Variants in LRRC49 observed in about 807,000 individuals in gnomAD.
The protein encoded by LRRC49 is leucine-rich repeat-containing protein 49.
A neutral mutation model predicts 83.3 loss-of-function variants in LRRC49; 50 were observed. That is an observed-to-expected ratio of 0.60 (90% CI 0.48 to 0.76). The LOEUF (loss-of-function observed/expected upper bound fraction) is 0.76. Among genes scored for constraint, LRRC49 ranks in the 30% least tolerant of loss-of-function variants. The pLI, the probability that LRRC49 is intolerant of heterozygous loss-of-function variation, is 0.00. For missense variants in LRRC49, 704 were observed against 809.1 expected (o/e 0.87, Z 1.58); for synonymous variants, 286 against 283.3 (o/e 1.01, Z -0.10).
chr15:71,038,894 C>T (rs574701898), intron 15 of LRRC49, among the ~76,000 whole-genome samples: 1 of 152,254 alleles, frequency 6.6e-6, no homozygotes, highest in Non-Finnish European at 1.5e-5. Flanking sequence ...CTGTCATACA[C>T]AACACACTGT....
intron 9 of LRRC49, among the ~76,000 whole-genome samples, chr15:70,973,332 G>C (rs2037083303): frequency 6.6e-6 from 1 of 152,180 alleles, no homozygotes; most frequent in Admixed American, 6.5e-5. Flanking sequence ...GCAAAACATT[G>C]CTGCCTGCTC....
At chr15:70,995,312 T>C (rs1484833590) in intron 11 of LRRC49, among the ~76,000 whole-genome samples, 1 of 152,168 alleles carries the variant, frequency 6.6e-6, no homozygotes, top group African/African-American at 2.4e-5. Flanking sequence ...GCATTAATAA[T>C]GAGCTGGAAT....
intron 7 of LRRC49, among the ~76,000 whole-genome samples, chr15:70,927,040 C>T (rs1448730139): frequency 2.0e-5 from 3 of 152,146 alleles, no homozygotes; most frequent in African/African-American, 7.2e-5. Context: ...GAGATACCAT[C>T]TCACACCAGT....
chr15:70,909,164 C>G (rs972213788), intron 5 of LRRC49, among the ~76,000 whole-genome samples: 1 of 152,276 alleles, frequency 6.6e-6, no homozygotes, highest in African/African-American at 2.4e-5. Context: ...GTGATACAAT[C>G]TCCATTATCC....
intron 11 of LRRC49, among the ~76,000 whole-genome samples, chr15:71,000,503 C>T (rs2038219614): frequency 6.6e-6 from 1 of 152,150 alleles, no homozygotes; most frequent in Non-Finnish European, 1.5e-5. Context: ...ATGTTTGTCT[C>T]CTTTTCCGCT....
At chr15:70,871,305 G>T (rs1361015985) in intron 1 of LRRC49, among the ~76,000 whole-genome samples, 1 of 152,176 alleles carries the variant, frequency 6.6e-6, no homozygotes, top group Non-Finnish European at 1.5e-5. Flanking sequence ...CAAGGCAGAA[G>T]AATTTTTCCT....
chr15:70,872,359 C>T (rs749093970), intron 1 of LRRC49, among the ~76,000 whole-genome samples: 6 of 147,546 alleles, frequency 4.1e-5, no homozygotes, highest in Admixed American at 6.8e-5. Context: ...AGTCTAGCCT[C>T]GGCTCGGCAT....
chr15:70,884,547 A>C (rs2033352917), intron 2 of LRRC49, among the ~76,000 whole-genome samples: 1 of 152,114 alleles, frequency 6.6e-6, no homozygotes, highest in Admixed American at 6.5e-5. Flanking sequence ...CACACAGAAA[A>C]AAAAAAAAGA....
intron 7 of LRRC49, among the ~76,000 whole-genome samples, chr15:70,927,255 T>C (rs1365447109): frequency 6.6e-6 from 1 of 152,226 alleles, no homozygotes; most frequent in Admixed American, 6.5e-5. Context: ...TGCATTTTCT[T>C]TATTACTAAT....
At position 71,008,523 on chromosome 15, in the gene LRRC49, A is replaced by G. The variant is rs2038540005; in HGVS notation, c.1314A>G (p.Ala438=). 1 of 1,612,808 alleles carries G rather than the reference A, an allele frequency of 6.2e-7. No homozygotes were observed. The highest frequency in any genetic ancestry group is 8.5e-7 in the Non-Finnish European group (1 of 1,179,164). The change falls in exon 12 of 16, where the codon GCA becomes GCG. Residue 438 remains alanine, a synonymous_variant. Coordinates refer to ENST00000260382, the MANE Select transcript of LRRC49 (RefSeq NM_017691.5). ...SLDRNWSVQT[A]GMITTVSFTF... is the part of the protein sequence containing the mutation. ...ATAGGAATTGGAGTGTTCAAACAGC[A>G]GGAATGATCACAACAGTCTCCTTCA...
intron 9 of LRRC49, among the ~76,000 whole-genome samples, chr15:70,967,164 C>T (rs574313084): frequency 6.6e-6 from 1 of 152,006 alleles, no homozygotes; most frequent in African/African-American, 2.4e-5. Flanking sequence ...GACAGGAGTT[C>T]AACATGGCTA....
chr15:70,876,401 TG>T (rs1231893799), intron 2 of LRRC49, among the ~76,000 whole-genome samples: 1 of 152,122 alleles, frequency 6.6e-6, no homozygotes, highest in South Asian at 2.1e-4. Flanking sequence ...TAGAGTCTAG[TG>T]GGGGAGATTA....
intron 9 of LRRC49, among the ~76,000 whole-genome samples, chr15:70,969,581 A>C (rs1003817811): frequency 6.6e-5 from 10 of 152,136 alleles, no homozygotes; most frequent in Non-Finnish European, 1.0e-4. Flanking sequence ...CAGTATGGCC[A>C]TTTTCACTAT....
chr15:71,002,939 CTTTTTTTTT>C (rs35998597), intron 11 of LRRC49, among the ~76,000 whole-genome samples: 8 of 43,036 alleles, frequency 1.9e-4, no homozygotes, highest in East Asian at 8.8e-4. Flanking sequence ...ATTTTCTGGC[CTTTTTTTTT>C]TTTTTTTTTT....
At chr15:70,858,427 C>A (rs906361569) in intron 1 of LRRC49, among the ~76,000 whole-genome samples, 4 of 151,666 alleles carry the variant, frequency 2.6e-5, no homozygotes, top group Non-Finnish European at 4.4e-5. Flanking sequence ...CATGGCGAAA[C>A]CCTGTCTCTA....
chr15:70,896,136 C>G (rs1405828461), intron 3 of LRRC49, among the ~76,000 whole-genome samples, 200 bp downstream of exon 3: 1 of 151,642 alleles, frequency 6.6e-6, no homozygotes, highest in Non-Finnish European at 1.5e-5. Flanking sequence ...CAGAAAAAAG[C>G]TGTTATTATT....
chr15:70,989,710 C>CT (rs1360539407), intron 11 of LRRC49, among the ~76,000 whole-genome samples: 3 of 152,168 alleles, frequency 2.0e-5, no homozygotes, highest in African/African-American at 7.2e-5. Context: ...AGGCGCTCTG[C>CT]TTTTTAGAGT....
At chr15:70,898,956 A>G (rs577317925) in intron 3 of LRRC49, among the ~76,000 whole-genome samples, 8 of 152,282 alleles carry the variant, frequency 5.3e-5, no homozygotes, top group Non-Finnish European at 5.9e-5. Context: ...TCTGGTTCCC[A>G]GTTATTTAGA....
At chr15:71,006,887 C>T (rs1283148883) in intron 11 of LRRC49, among the ~76,000 whole-genome samples, 4 of 152,044 alleles carry the variant, frequency 2.6e-5, no homozygotes, top group Non-Finnish European at 5.9e-5. Context: ...TATAATCTAA[C>T]TCAATGTATC....
Sources: allele counts gnomAD v4.1 joint callset (sites outside exome capture counted in the v4.1 genomes callset), GRCh38; gene constraint gnomAD v4.1.1; transcripts MANE v1.5; gene names NCBI Gene and HGNC (gene_info 2026-07-23, HGNC 2026-07-21).